The following NOS1 variants were observed in gnomAD, a reference collection of about 807,000 sequenced individuals.
NOS1 encodes NOS type I.
NOS1 carries 51 observed loss-of-function variants against 164.5 expected under a neutral mutation model. That is an observed-to-expected ratio of 0.31 (90% CI 0.25 to 0.39). The LOEUF is 0.39. Among genes scored for constraint, NOS1 ranks in the 10% least tolerant of loss-of-function variants. The pLI, the probability that NOS1 is intolerant of heterozygous loss-of-function variation, is 1.00. For synonymous variants in NOS1, 719 were observed against 745.8 expected (o/e 0.96, Z 0.59); for missense variants, 1,362 against 1,885.6 (o/e 0.72, Z 5.14).
Position 117,284,263 on chromosome 12 carries a change from G to A in NOS1, c.1382+978C>T, listed in dbSNP as rs189405724. Among the ~76,000 whole-genome samples, 48 of 152,328 alleles carry A rather than the reference G, an allele frequency of 3.2e-4. No homozygotes were observed. The East Asian group carries it at 9.3e-3, about 29-fold the overall frequency. ...TGCTCAGTGGCTGGGAACAGATGCC[G>A]TGGCAGCAGTGAGCGGGCAGAGTCA... is the stretch of plus-strand genomic sequence containing the variant. On this transcript the variant is annotated intron_variant, in intron 7 of 28. Coordinates refer to ENST00000317775, the MANE Select transcript of NOS1 (RefSeq NM_000620.5).
chr12:117,308,885 G>A (rs1053768338), intron 3 of NOS1, among the ~76,000 whole-genome samples: 4 of 152,126 alleles, frequency 2.6e-5, no homozygotes, highest in East Asian at 1.9e-4. Context: ...GTGAGCCACC[G>A]TGCCTGGCCA....
chr12:117,241,123 A>G (rs1052260570), intron 20 of NOS1, among the ~76,000 whole-genome samples: 2 of 151,748 alleles, frequency 1.3e-5, no homozygotes, highest in African/African-American at 4.8e-5. Flanking sequence ...TATTTTTAGT[A>G]CAGACGGGGT....
chr12:117,291,529 CT>C (rs565345654), intron 3 of NOS1, among the ~76,000 whole-genome samples: 1,847 of 97,320 alleles, frequency 0.019, 20 homozygotes, highest in South Asian at 0.097. Flanking sequence ...TTACATCTGT[CT>C]TTTTTTTTTT....
chr12:117,288,481 T>C (rs1057448737), intron 4 of NOS1, among the ~76,000 whole-genome samples: 1 of 152,210 alleles, frequency 6.6e-6, no homozygotes, highest in African/African-American at 2.4e-5. Flanking sequence ...ATCAGAATCA[T>C]TGGTACTAAA....
chr12:117,351,512 G>C (rs1876617706), intron 1 of NOS1, among the ~76,000 whole-genome samples: 1 of 152,296 alleles, frequency 6.6e-6, no homozygotes, highest in African/African-American at 2.4e-5. Context: ...AGCTGCAGGT[G>C]CCTTCTGTTT....
chr12:117,240,307 G>A (rs1200423874), intron 20 of NOS1, among the ~76,000 whole-genome samples: 1 of 152,182 alleles, frequency 6.6e-6, no homozygotes, highest in Non-Finnish European at 1.5e-5. Context: ...ATCTAAGAGA[G>A]AATATGAGAG....
chr12:117,300,309 T>C (rs1021705113), intron 3 of NOS1, among the ~76,000 whole-genome samples: 2 of 152,214 alleles, frequency 1.3e-5, no homozygotes, highest in Non-Finnish European at 2.9e-5. Flanking sequence ...AACCACAGTG[T>C]CATTGTCAGA....
chr12:117,271,343 T>C (rs569997755), intron 10 of NOS1, among the ~76,000 whole-genome samples: 1 of 149,532 alleles, frequency 6.7e-6, no homozygotes, highest in South Asian at 2.3e-4. Context: ...AGTGGCGCAA[T>C]CTCGGCTCAC....
intron 27 of NOS1, 29 bp from the exon 28 acceptor site, chr12:117,218,193 C>A: frequency 6.6e-7 from 1 of 1,522,056 alleles, no homozygotes. Context: ...CAGAAAACAG[C>A]TCTCAAATGC....
chr12:117,266,357 T>C (rs773804298), intron 11 of NOS1, among the ~76,000 whole-genome samples: 2 of 152,082 alleles, frequency 1.3e-5, no homozygotes, highest in African/African-American at 2.4e-5. Flanking sequence ...GAACATACGA[T>C]GTTTGGTTTT....
intron 7 of NOS1, among the ~76,000 whole-genome samples, chr12:117,283,051 TA>T (rs1353245139): frequency 1.7e-4 from 11 of 64,676 alleles, no homozygotes; most frequent in African/African-American, 6.8e-4. Context: ...TATATATATA[TA>T]TATATTTTTT....
In NOS1 at chr12:117,209,228, C is replaced by T; in HGVS notation, c.*6081G>A. On this transcript the variant is annotated 3_prime_UTR_variant, in exon 29 of 29. Transcript: ENST00000317775. Reference sequence around the variant, plus strand: ...GAAGTCCAAGAGAGGGGTGTTGCCCCCTGGGGACATTGGGCAATGTCTGAT... The same window carrying T: ...GAAGTCCAAGAGAGGGGTGTTGCCCTCTGGGGACATTGGGCAATGTCTGAT... 1 of 984,828 alleles carries T rather than the reference C, an allele frequency of 1.0e-6. No homozygotes were observed. Among genetic ancestry groups the T allele is most frequent in the Non-Finnish European group, 1.2e-6 (1 of 829,420 alleles). 61.0% of individuals were successfully genotyped at this position (984,828 alleles called of 1,614,324 possible). A position where few individuals can be genotyped will look rare whatever the true frequency, so the allele number is the denominator to read the frequency against.
At chr12:117,273,518 A>T (rs752227104) in intron 9 of NOS1, among the ~76,000 whole-genome samples, 1 of 152,132 alleles carries the variant, frequency 6.6e-6, no homozygotes, top group Non-Finnish European at 1.5e-5. Context: ...GTGGTTTTGC[A>T]ATTACTTTTG....
chr12:117,210,539 A>T lies in NOS1; in HGVS notation c.*4770T>A. ...GGTTTAAAACACAGGCTAGAAGTCCACAGATTTCCTAATGGCAAGAATGAA... is the reference window on the plus strand; with the variant it reads ...GGTTTAAAACACAGGCTAGAAGTCCTCAGATTTCCTAATGGCAAGAATGAA... On this transcript the variant is annotated 3_prime_UTR_variant, in exon 29 of 29. Coordinates refer to ENST00000317775, the MANE Select transcript of NOS1 (RefSeq NM_000620.5). 1 of 985,462 alleles carries T rather than the reference A, an allele frequency of 1.0e-6. No individual in the cohort carries two copies. The highest frequency in any genetic ancestry group is 1.1e-4 in the East Asian group (1 of 8,812). The allele number at this position is 985,462 out of a possible 1,614,324, so 61.0% of individuals were successfully genotyped here. A position where few individuals can be genotyped will look rare whatever the true frequency, so the allele number is the denominator to read the frequency against.
chr12:117,355,436 G>A (rs965466445), intron 1 of NOS1, among the ~76,000 whole-genome samples: 1 of 152,180 alleles, frequency 6.6e-6, no homozygotes, highest in Non-Finnish European at 1.5e-5. Context: ...TGTGGGAAGT[G>A]CGTCCTGGGG....
intron 20 of NOS1, among the ~76,000 whole-genome samples, chr12:117,237,006 G>A (rs1869770043): frequency 6.6e-6 from 1 of 152,166 alleles, no homozygotes; most frequent in Non-Finnish European, 1.5e-5. Context: ...CTGGCAGAAT[G>A]GCTGTGGGGC....
At chr12:117,319,773 G>A (rs1383916703) in intron 2 of NOS1, among the ~76,000 whole-genome samples, 1 of 152,214 alleles carries the variant, frequency 6.6e-6, no homozygotes. Context: ...GATGTTTTGA[G>A]TTCCTCTCTT....
chr12:117,209,355 C>G lies in NOS1; in HGVS notation c.*5954G>C. The G allele has an allele frequency of 2.0e-6, 2 of 979,866 alleles. No homozygotes were observed. The highest frequency in any genetic ancestry group is 2.4e-6 in the Non-Finnish European group (2 of 824,880). The allele number at this position is 979,866 out of a possible 1,614,324, so 60.7% of individuals were successfully genotyped here. A position where few individuals can be genotyped will look rare whatever the true frequency, so the allele number is the denominator to read the frequency against. On this transcript the variant is annotated 3_prime_UTR_variant, in exon 29 of 29. Coordinates refer to ENST00000317775, the MANE Select transcript of NOS1 (RefSeq NM_000620.5). ...TTCCTACAGTACCCAAGACGGCCCC[C>G]ACAAGAAAGAATTACCCAGCCCCAA...
At chr12:117,241,957 G>A (rs1399395188) in intron 20 of NOS1, among the ~76,000 whole-genome samples, 1 of 152,206 alleles carries the variant, frequency 6.6e-6, no homozygotes, top group Non-Finnish European at 1.5e-5. Context: ...CTCTTAGGAA[G>A]AATGACTTGA....
Sources: allele counts gnomAD v4.1 joint callset (sites outside exome capture counted in the v4.1 genomes callset), GRCh38; gene constraint gnomAD v4.1.1; transcripts MANE v1.5; gene names NCBI Gene and HGNC (gene_info 2026-07-23, HGNC 2026-07-21).